Variants in PLIN2 observed in about 807,000 individuals in gnomAD.
The protein encoded by PLIN2 is perilipin-2.
Under a neutral mutation model 30.6 loss-of-function variants are expected in PLIN2, and 33 were observed. The ratio of observed to expected loss-of-function variants is 1.08; its 90% CI spans 0.82 to 1.44. The LOEUF (loss-of-function observed/expected upper bound fraction) is 1.44, where lower values mean the gene tolerates loss of function less well. PLIN2 is among the 40% of genes most tolerant of loss of function. The pLI is 0.00. For synonymous variants in PLIN2, 205 were observed against 201.1 expected, an observed-to-expected ratio of 1.02 and a Z score of -0.16; for missense variants, 610 against 531.8, an observed-to-expected ratio of 1.15 and a Z score of -1.45.
Position 19,120,865 on chromosome 9 carries a change from T to C in PLIN2, c.595+15A>G, listed in dbSNP as rs770444911. ...TTTAATATAAAACAGTATTTCAAGA[T>C]AAAATTCCAGTTACCTAGTTCTTCC... is the stretch of plus-strand genomic sequence containing the variant. On this transcript the variant is annotated intron_variant, in intron 5 of 7. Coordinates refer to ENST00000276914, the MANE Select transcript of PLIN2 (RefSeq NM_001122.4). The C allele has an allele frequency of 2.8e-5, 44 of 1,599,334 alleles. 1 individual carries two copies. The highest frequency in any genetic ancestry group is 2.2e-4 in the South Asian group (20 of 90,726).
chr9:19,125,944 A>G (rs1022265123), intron 3 of PLIN2, 170 bp downstream of exon 3: 3 of 552,914 alleles, frequency 5.4e-6, no homozygotes, highest in African/African-American at 1.9e-5. Flanking sequence ...AAAAGGAAAG[A>G]AAAGAAAAGA....
chr9:19,126,135 T>A lies in PLIN2; in HGVS notation c.205A>T (p.Ile69Phe). The change falls in exon 3 of 8, where the codon ATC becomes TTC. Residue 69 changes from isoleucine (I) to phenylalanine (F), a missense_variant. By Grantham distance (21) the Ile-to-Phe change is conservative. Coordinates refer to ENST00000276914, the MANE Select transcript of PLIN2 (RefSeq NM_001122.4). ...TCACTTTGCGGCTCTAGCTTCTGGATGATGGGCAGAGCACTGGTCATGGCC... is the reference window on the plus strand; with the variant it reads ...TCACTTTGCGGCTCTAGCTTCTGGAAGATGGGCAGAGCACTGGTCATGGCC... ...SVAMTSALPI[I>F]QKLEPQIAVA... The A allele has an allele frequency of 6.2e-7, 1 of 1,614,002 alleles. No individual in the cohort carries two copies. The highest frequency in any genetic ancestry group is 1.7e-5 in the Admixed American group (1 of 60,014).
chr9:19,123,213 G>A (rs956328870), intron 4 of PLIN2: 2 of 763,450 alleles, frequency 2.6e-6, no homozygotes, highest in African/African-American at 3.5e-5. Flanking sequence ...TGGCAGCATT[G>A]TACAAGCCAG....
intron 4 of PLIN2, 134 bp from the exon 5 acceptor site, chr9:19,121,299 G>A (rs1818311382): frequency 4.0e-6 from 3 of 758,624 alleles, no homozygotes; most frequent in Non-Finnish European, 4.2e-6. Context: ...TTTAGGTCTT[G>A]GGCAAGTCAC....
At chr9:19,109,521 A>C (rs565075641) in intron 2 of PLIN2, among the ~76,000 whole-genome samples, 4 of 146,842 alleles carry the variant, frequency 2.7e-5, no homozygotes, top group Non-Finnish European at 6.0e-5. Flanking sequence ...AGCCTGGGCG[A>C]CAGAGCGAGA....
intron 3 of PLIN2, 139 bp from the exon 4 acceptor site, chr9:19,123,786 T>A (rs1306350300): frequency 1.2e-5 from 8 of 648,812 alleles, no homozygotes; most frequent in South Asian, 4.0e-5. Context: ...TTTGGGAGGC[T>A]GAGGCAGGCG....
intron 3 of PLIN2, 123 bp from the exon 4 acceptor site, chr9:19,123,770 C>G: frequency 1.3e-6 from 1 of 756,368 alleles, no homozygotes; most frequent in Non-Finnish European, 2.1e-6. Context: ...CCTGTAATCC[C>G]AGCACTTTGG....
At position 19,116,337 on chromosome 9, in the gene PLIN2, G is replaced by C; in HGVS notation, c.1225C>G (p.Leu409Val). ...TCCTGAGCATTCTGAGACTCAGTCA[G>C]CTGAGGATAAAAGGGACCTACCAGC... is the stretch of plus-strand genomic sequence containing the variant. Reference protein sequence around the residue: ...NWLVGPFYPQLTESQNAQDQG... With the variant: ...NWLVGPFYPQVTESQNAQDQG... The change falls in exon 8 of 8, where the codon CTG becomes GTG. Residue 409 changes from leucine to valine, a missense_variant. Coordinates refer to ENST00000276914, the MANE Select transcript of PLIN2 (RefSeq NM_001122.4). 6.2e-7 allele frequency: 1 copy of C among 1,614,108 alleles called. No individual in the cohort carries two copies. Among genetic ancestry groups the C allele is most frequent in the Non-Finnish European group, 8.5e-7 (1 of 1,180,016 alleles).
intron 4 of PLIN2, among the ~76,000 whole-genome samples, chr9:19,122,108 C>CAAAAAAAAA (rs59357707): frequency 3.2e-5 from 2 of 63,308 alleles, no homozygotes; most frequent in South Asian, 7.5e-4. Flanking sequence ...GACTCTGTCT[C>CAAAAAAAAA]AAAAAAAAAA....
intron 1 of PLIN2, among the ~76,000 whole-genome samples, chr9:19,126,807 C>G (rs1258329254): frequency 6.6e-6 from 1 of 152,056 alleles, no homozygotes; most frequent in South Asian, 2.1e-4. Context: ...TTTGGGAGGC[C>G]GAGGGGGGTG....
downstream of PLIN2, among the ~76,000 whole-genome samples, chr9:19,112,139 G>A (rs1818167617): frequency 6.6e-6 from 1 of 152,142 alleles, no homozygotes; most frequent in Admixed American, 6.6e-5. Context: ...AAGGCTCAGA[G>A]ATTAATGGCC....
Position 19,126,466 on chromosome 9 carries a change from A to T in PLIN2, c.-22-18T>A. The stretch of plus-strand genomic sequence containing the variant: ...AAAGAAATCTGCAGAAAAGAGACTT[A>T]TTTCAGAACACCGGGATAAGACTCT... On this transcript the variant is annotated intron_variant, in intron 1 of 7. Transcript: ENST00000276914. 2 of 1,489,552 alleles carry T rather than the reference A, an allele frequency of 1.3e-6. No individual in the cohort carries two copies. Among genetic ancestry groups the T allele is most frequent in the Non-Finnish European group, 1.9e-6 (2 of 1,068,852 alleles). 92.3% of individuals were successfully genotyped at this position (1,489,552 alleles called of 1,614,324 possible).
rs1278788363 is a variant in PLIN2, at chr9:19,123,653, A to G, written c.227-6T>C. ...ATAGGTATTGGCAACTGCAACTAGA[A>G]TCACAAATGGGAAAATGTTAATGTA... On this transcript the variant is annotated splice_region_variant and splice_polypyrimidine_tract_variant and intron_variant, in intron 3 of 7. Coordinates refer to ENST00000276914, the MANE Select transcript of PLIN2 (RefSeq NM_001122.4). 3 of 1,609,392 alleles carry G rather than the reference A, an allele frequency of 1.9e-6. No individual in the cohort carries two copies. Among genetic ancestry groups the G allele is most frequent in the African/African-American group, 2.7e-5 (2 of 74,844 alleles).
chr9:19,119,868 A>T (rs1223576545), intron 5 of PLIN2, 37 bp from the exon 6 acceptor site: 4 of 1,413,038 alleles, frequency 2.8e-6, no homozygotes, highest in African/African-American at 2.9e-5. Flanking sequence ...AACTTAAGGG[A>T]TCACAGTGAC....
chr9:19,113,102 G>A (rs2131173409), downstream of PLIN2, among the ~76,000 whole-genome samples: 1 of 152,190 alleles, frequency 6.6e-6, no homozygotes, highest in East Asian at 1.9e-4. Flanking sequence ...CAGCATTTTG[G>A]GAGGCCGAAG....
downstream of PLIN2, among the ~76,000 whole-genome samples, chr9:19,115,393 T>C (rs1050715169): frequency 3.3e-5 from 5 of 151,786 alleles, no homozygotes; most frequent in East Asian, 1.9e-4. Flanking sequence ...CTGCAAGCTC[T>C]GCCTCCCGGG....
Position 19,123,572 on chromosome 9 carries a change from G to T in PLIN2, c.302C>A (p.Ser101Ter). ...CTTTTGTCCCAAGCTCACCTGAGTTGATGGCTGATTCAGAATAGGCAGTCT... is the reference window on the plus strand; with the variant it reads ...CTTTTGTCCCAAGCTCACCTGAGTTTATGGCTGATTCAGAATAGGCAGTCT... ...EERLPILNQP[S>*]TQIVANAKGA... The change falls in exon 4 of 8, where the codon TCA becomes TAA. Residue 101 changes from serine to a stop codon, truncating the protein, a stop_gained. Coordinates refer to ENST00000276914, the MANE Select transcript of PLIN2 (RefSeq NM_001122.4). LOFTEE classifies it high-confidence loss of function. 1 of 1,614,210 alleles carries T rather than the reference G, an allele frequency of 6.2e-7. No individual in the cohort carries two copies. The highest frequency in any genetic ancestry group is 1.6e-4 in the Middle Eastern group (1 of 6,062).
downstream of PLIN2, among the ~76,000 whole-genome samples, chr9:19,115,435 G>A (rs1401718336): frequency 6.6e-6 from 1 of 151,772 alleles, no homozygotes; most frequent in Non-Finnish European, 1.5e-5. Context: ...AGCCTCCCGA[G>A]TAGCTGGGAC....
downstream of PLIN2, among the ~76,000 whole-genome samples, chr9:19,111,446 T>A (rs1818158557): frequency 6.6e-6 from 1 of 152,178 alleles, no homozygotes. Context: ...ATTAAGAGTA[T>A]AATTTTCTAA....
Sources: gnomAD v4.1 joint callset for allele counts (sites outside exome capture counted in the v4.1 genomes callset) on GRCh38, gnomAD v4.1.1 for gene constraint, MANE v1.5 for transcripts, NCBI Gene and HGNC (gene_info 2026-07-23, HGNC 2026-07-21) for gene names.